CCDC169: variants seen among roughly 807,000 people sequenced by gnomAD.
CCDC169 encodes coiled-coil domain-containing protein 169.
CCDC169 carries 30 observed loss-of-function variants against 36.0 expected under a neutral mutation model. That is an observed-to-expected ratio of 0.83 (90% CI 0.62 to 1.13). The LOEUF is 1.13. Ranked by LOEUF, CCDC169 falls within the 50% of genes most tolerant of loss-of-function variation. CCDC169 has a pLI of 0.00. For missense variants in CCDC169, 245 were observed against 245.9 expected (o/e 1.00, Z 0.03); for synonymous variants, 85 against 81.5 (o/e 1.04, Z -0.23).
intron 2 of CCDC169, among the ~76,000 whole-genome samples, chr13:36,290,232 G>A (rs117115338): frequency 0.022 from 3,350 of 152,146 alleles, 51 homozygotes; most frequent in South Asian, 0.045. Flanking sequence ...ACAGGGACAC[G>A]CCTGTACCAC....
chr13:36,265,260 A>G (rs1011903326), intron 4 of CCDC169, among the ~76,000 whole-genome samples: 1 of 152,134 alleles, frequency 6.6e-6, no homozygotes, highest in Non-Finnish European at 1.5e-5. Flanking sequence ...AAAGTCATTG[A>G]TTTTCAGTTT....
chr13:36,258,440 T>C (rs1874195802), intron 4 of CCDC169, among the ~76,000 whole-genome samples: 1 of 152,004 alleles, frequency 6.6e-6, no homozygotes, highest in African/African-American at 2.4e-5. Flanking sequence ...AAGGTACAGG[T>C]CAATAAAAGG....
chr13:36,268,737 G>T (rs2138546848), intron 4 of CCDC169, among the ~76,000 whole-genome samples: 1 of 152,218 alleles, frequency 6.6e-6, no homozygotes, highest in East Asian at 1.9e-4. Context: ...ACCAAGAAAA[G>T]AAGAGAGAAG....
intron 4 of CCDC169, among the ~76,000 whole-genome samples, chr13:36,266,427 G>A (rs1001428306): frequency 2.0e-5 from 3 of 152,086 alleles, no homozygotes; most frequent in Non-Finnish European, 4.4e-5. Context: ...AGATCCTTAG[G>A]GGCACCTATC....
Position 36,289,772 on chromosome 13 carries a change from A to T in CCDC169, c.163+6006T>A, listed in dbSNP as rs140051272. On this transcript the variant is annotated intron_variant, in intron 2 of 7. Coordinates refer to ENST00000239859, the MANE Select transcript of CCDC169 (RefSeq NM_001144981.3). ...GCATGTAACCTTCTGTATTGCCTTT[A>T]AGTCTTTCAATAATCATTTTGGTTA... Among the ~76,000 whole-genome samples the T allele has an allele frequency of 7.9e-5, 12 of 152,340 alleles. No homozygotes were observed. The East Asian group carries it at 1.3e-3, about 17-fold the overall frequency.
rs1035394142 is a variant in CCDC169, at chr13:36,254,078, T to G, written c.381A>C (p.Lys127Asn). Residue 127 changes from lysine to asparagine, a missense_variant, in exon 5 of 8, where the codon AAA becomes AAC. Coordinates refer to ENST00000239859, the MANE Select transcript of CCDC169 (RefSeq NM_001144981.3). ...EEKKTLESQV[K>N]YYALKLEQES... is the part of the protein sequence containing the mutation. ...CTTGTTCCAGTTTAAGTGCATAGTA[T>G]TTCACTTGACTTTCAAGAGTCTTCT... is the stretch of plus-strand genomic sequence containing the variant. The G allele has an allele frequency of 6.5e-7, 1 of 1,548,688 alleles. No individual in the cohort carries two copies. The highest frequency in any genetic ancestry group is 1.4e-5 in the African/African-American group (1 of 72,896).
At chr13:36,254,956 T>C (rs1345517117) in intron 4 of CCDC169, among the ~76,000 whole-genome samples, 3 of 152,084 alleles carry the variant, frequency 2.0e-5, no homozygotes, top group African/African-American at 7.2e-5. Context: ...CCAGGTTCCT[T>C]TGGCACTTCC....
At chr13:36,288,100 C>G (rs1290653695) in intron 2 of CCDC169, among the ~76,000 whole-genome samples, 1 of 152,026 alleles carries the variant, frequency 6.6e-6, no homozygotes, top group Non-Finnish European at 1.5e-5. Context: ...GCTCCACCTC[C>G]CTGATTCACG....
chr13:36,240,502 C>T lies in CCDC169; in HGVS notation c.545+8104G>A, dbSNP rs911615452. 5.4e-6 allele frequency: 3 copies of T among 556,290 alleles called. No individual in the cohort carries two copies. In the African/African-American group the frequency reaches 6.2e-5, roughly 11 times the overall value. The allele number at this position is 556,290 out of a possible 1,614,324, so 34.5% of individuals were successfully genotyped here. Reference sequence around the variant, plus strand: ...ATGTTGGATATTTTGGTTGTGTTATCTCTACTGTAGCTGCTTTTTAAAAAA... The same window carrying T: ...ATGTTGGATATTTTGGTTGTGTTATTTCTACTGTAGCTGCTTTTTAAAAAA... On this transcript the variant is annotated intron_variant, in intron 7 of 7. Coordinates refer to ENST00000239859, the MANE Select transcript of CCDC169 (RefSeq NM_001144981.3).
intron 2 of CCDC169, among the ~76,000 whole-genome samples, chr13:36,286,363 G>A (rs1357137302): frequency 6.6e-6 from 1 of 152,138 alleles, no homozygotes. Flanking sequence ...TTGGGGTGTC[G>A]CTGGGGCTCT....
intron 7 of CCDC169, among the ~76,000 whole-genome samples, chr13:36,236,281 G>A (rs1481192224): frequency 1.3e-5 from 2 of 152,036 alleles, no homozygotes; most frequent in African/African-American, 2.4e-5. Context: ...CAGACAGTAT[G>A]GTATTGGCAT....
In CCDC169 at chr13:36,255,912, C is replaced by T. The variant is rs748983; in HGVS notation, c.316-1769G>A. Among the ~76,000 whole-genome samples, 375 of 152,326 alleles carry T rather than the reference C, an allele frequency of 2.5e-3. 9 individuals carry two copies. The South Asian group carries it at 0.044, about 18-fold the overall frequency. ...TTCACTGCCAAGTCCTCGTCCTCCACGTAGTCTCTTACCACCCTTGACCAG... is the reference window on the plus strand; with the variant it reads ...TTCACTGCCAAGTCCTCGTCCTCCATGTAGTCTCTTACCACCCTTGACCAG... On this transcript the variant is annotated intron_variant, in intron 4 of 7. Coordinates refer to ENST00000239859, the MANE Select transcript of CCDC169 (RefSeq NM_001144981.3).
At chr13:36,254,752 C>T (rs1250467895) in intron 4 of CCDC169, among the ~76,000 whole-genome samples, 2 of 152,118 alleles carry the variant, frequency 1.3e-5, no homozygotes, top group South Asian at 2.1e-4. Context: ...ATTTCCACAT[C>T]GACTAATGAA....
intron 7 of CCDC169, among the ~76,000 whole-genome samples, chr13:36,242,403 T>C (rs1032233774): frequency 3.9e-5 from 6 of 152,268 alleles, no homozygotes; most frequent in African/African-American, 1.2e-4. Context: ...AGGTGCCTAA[T>C]ACCGTGACTT....
chr13:36,265,143 C>A (rs191562805), intron 4 of CCDC169, among the ~76,000 whole-genome samples: 112 of 152,290 alleles, frequency 7.4e-4, no homozygotes, highest in African/African-American at 2.5e-3. Context: ...TAGCAGCTCT[C>A]ATTTTAGGTA....
chr13:36,260,739 G>C (rs1176137057), intron 4 of CCDC169, among the ~76,000 whole-genome samples: 2 of 152,104 alleles, frequency 1.3e-5, no homozygotes, highest in Non-Finnish European at 2.9e-5. Flanking sequence ...TCTTTGGCTT[G>C]ATAAATAATC....
At chr13:36,261,525 AGTTT>A (rs376457720) in intron 4 of CCDC169, among the ~76,000 whole-genome samples, 155 of 152,298 alleles carry the variant, frequency 1.0e-3, no homozygotes, top group African/African-American at 3.4e-3. Context: ...CTGAGAAGGA[AGTTT>A]GTTTGTTTTT....
At chr13:36,228,139 T>C (rs561589175), downstream of CCDC169, among the ~76,000 whole-genome samples, 8 of 152,208 alleles carry the variant, frequency 5.3e-5, no homozygotes, top group Non-Finnish European at 1.2e-4. Context: ...TTCCTGTACA[T>C]GTTTTTACGT....
In CCDC169 at chr13:36,283,593, T is replaced by A. The variant is rs775652620; in HGVS notation, c.273A>T (p.Ser91=). The A allele has an allele frequency of 1.3e-6, 2 of 1,551,356 alleles. No homozygotes were observed. The highest frequency in any genetic ancestry group is 1.4e-5 in the African/African-American group (1 of 73,160). ...EKVEKIHGNS[S]DRLSSIRVYE... is the part of the protein sequence containing the mutation. ...ATGTACATATGATTGGTTTTGTACC[T>A]GAAGAGTTTCCATGGATTTTTTCCA... The change falls in exon 3 of 8, where the codon TCA becomes TCT. Residue 91 remains serine, a splice_region_variant and synonymous_variant. Transcript: ENST00000239859.
Sources: allele counts gnomAD v4.1 joint callset (sites outside exome capture counted in the v4.1 genomes callset), GRCh38; gene constraint gnomAD v4.1.1; transcripts MANE v1.5; gene names NCBI Gene and HGNC (gene_info 2026-07-23, HGNC 2026-07-21).